Variants in SGCZ observed in about 807,000 individuals in gnomAD.
The protein encoded by SGCZ is sarcoglycan zeta.
A neutral mutation model predicts 41.3 loss-of-function variants in SGCZ; 40 were observed. The observed-to-expected ratio is 0.97, with a 90% CI of 0.75 to 1.26. The LOEUF (loss-of-function observed/expected upper bound fraction) is 1.26, where lower values mean the gene tolerates loss of function less well. SGCZ is among the 50% of genes most tolerant of loss of function. The pLI, the probability that SGCZ is intolerant of heterozygous loss-of-function variation, is 0.00. For synonymous variants in SGCZ, 206 were observed against 137.5 expected (o/e 1.50, Z -3.49); for missense variants, 552 against 369.8 (o/e 1.49, Z -4.04).
At chr8:15,064,938 C>T (rs571457586) in intron 1 of SGCZ, among the ~76,000 whole-genome samples, 41 of 152,262 alleles carry the variant, frequency 2.7e-4, no homozygotes, top group African/African-American at 9.9e-4. Flanking sequence ...ACATCAGTTG[C>T]GGTTTACACC....
chr8:14,142,543 GT>G (rs1301076773), intron 5 of SGCZ, among the ~76,000 whole-genome samples: 6 of 152,098 alleles, frequency 3.9e-5, no homozygotes, highest in Non-Finnish European at 1.5e-5. Context: ...TTTCTGCTCA[GT>G]TTGAAGCAAC....
intron 2 of SGCZ, among the ~76,000 whole-genome samples, chr8:14,545,558 C>A (rs140601969): frequency 2.0e-5 from 3 of 151,874 alleles, no homozygotes; most frequent in African/African-American, 4.8e-5. Context: ...CTATTACTTG[C>A]AAAAATAAGT....
At chr8:14,834,354 A>C (rs928515033) in intron 1 of SGCZ, among the ~76,000 whole-genome samples, 7 of 152,192 alleles carry the variant, frequency 4.6e-5, no homozygotes, top group African/African-American at 1.7e-4. Flanking sequence ...GGTAATTCAT[A>C]ATGTGTCACT....
At chr8:14,602,346 C>A (rs1267263836) in intron 1 of SGCZ, among the ~76,000 whole-genome samples, 1 of 151,656 alleles carries the variant, frequency 6.6e-6, no homozygotes, top group Non-Finnish European at 1.5e-5. Flanking sequence ...CACATGTCAC[C>A]CAGGCATGGT....
intron 1 of SGCZ, among the ~76,000 whole-genome samples, chr8:14,833,923 T>G (rs145194113): frequency 4.2e-4 from 64 of 152,244 alleles, no homozygotes; most frequent in African/African-American, 1.5e-3. Context: ...GGGGAGAAGG[T>G]GAGGAAAATA....
intron 3 of SGCZ, among the ~76,000 whole-genome samples, chr8:14,250,758 G>A (rs1294678164): frequency 6.6e-6 from 1 of 152,118 alleles, no homozygotes; most frequent in African/African-American, 2.4e-5. Flanking sequence ...TCCTCTGTAG[G>A]GACTTACATG....
chr8:14,280,118 T>G (rs1178498162), intron 3 of SGCZ, among the ~76,000 whole-genome samples: 1 of 151,978 alleles, frequency 6.6e-6, no homozygotes, highest in East Asian at 1.9e-4. Flanking sequence ...TGAAATATAC[T>G]TTTACAGTAT....
intron 3 of SGCZ, among the ~76,000 whole-genome samples, chr8:14,251,246 T>C (rs1236381813): frequency 6.6e-6 from 1 of 151,886 alleles, no homozygotes; most frequent in Non-Finnish European, 1.5e-5. Flanking sequence ...TGAAAACAAA[T>C]ACAAACAAAA....
intron 1 of SGCZ, among the ~76,000 whole-genome samples, chr8:14,640,921 T>A (rs907995263): frequency 6.6e-6 from 1 of 151,714 alleles, no homozygotes; most frequent in Admixed American, 6.6e-5. Context: ...GAAATGTGGT[T>A]ATGAATAACT....
intron 1 of SGCZ, among the ~76,000 whole-genome samples, chr8:15,063,273 C>T (rs1382872538): frequency 1.3e-5 from 2 of 152,012 alleles, no homozygotes; most frequent in African/African-American, 4.8e-5. Flanking sequence ...TGAACATAAG[C>T]ACATTTAATA....
intron 1 of SGCZ, among the ~76,000 whole-genome samples, chr8:14,930,564 T>C (rs1473314308): frequency 1.3e-5 from 2 of 151,952 alleles, no homozygotes; most frequent in African/African-American, 2.4e-5. Flanking sequence ...CTGTTCACAA[T>C]AGCAAAGACT....
At chr8:14,697,225 G>A (rs775494820) in intron 1 of SGCZ, among the ~76,000 whole-genome samples, 38 of 152,016 alleles carry the variant, frequency 2.5e-4, no homozygotes, top group Non-Finnish European at 4.1e-4. Context: ...AAGTGGCCTA[G>A]AGTCACAATG....
chr8:14,166,904 T>C (rs1191613943), intron 4 of SGCZ, among the ~76,000 whole-genome samples: 1 of 152,100 alleles, frequency 6.6e-6, no homozygotes. Flanking sequence ...ATAGATGAGA[T>C]GCATCTAAGC....
chr8:14,529,472 G>C (rs940620714), intron 2 of SGCZ, among the ~76,000 whole-genome samples: 1 of 152,096 alleles, frequency 6.6e-6, no homozygotes, highest in Non-Finnish European at 1.5e-5. Context: ...AGCTTTCTTT[G>C]CAACAAGCAC....
chr8:14,128,247 G>A lies in SGCZ; in HGVS notation c.548-20012C>T, dbSNP rs1194251308. 2.0e-5 allele frequency among the ~76,000 whole-genome samples: 3 copies of A among 152,110 alleles called. No individual in the cohort carries two copies. The East Asian group carries it at 5.8e-4, about 29-fold the overall frequency. ...TTTTTCAAAGGCAGAGACATAAATG[G>A]CCAACAAGCCATTTGAAAACCATTT... On this transcript the variant is annotated intron_variant, in intron 5 of 7. Transcript: ENST00000382080.
intron 1 of SGCZ, among the ~76,000 whole-genome samples, chr8:14,586,611 AATGCAAAGTG>A (rs1395884396): frequency 2.6e-5 from 4 of 152,222 alleles, no homozygotes; most frequent in African/African-American, 9.6e-5. Context: ...AGTCATCATA[AATGCAAAGTG>A]ATGCAAAGTT....
intron 1 of SGCZ, among the ~76,000 whole-genome samples, chr8:15,173,932 T>G (rs1209460795): frequency 1.3e-5 from 2 of 152,092 alleles, no homozygotes; most frequent in African/African-American, 4.8e-5. Flanking sequence ...CTCACTACAT[T>G]ACTGGTCGCA....
At position 14,166,467 on chromosome 8, in the gene SGCZ, T is replaced by TAATA. The variant is rs1312039982; in HGVS notation, c.425-1769_425-1766dup. On this transcript the variant is annotated intron_variant, in intron 4 of 7. Transcript: ENST00000382080. Reference sequence around the variant, plus strand: ...AAAACTGTGCCAGAGGCCAATGTGTTAATACATGTGACTTACTCTGAGGGA... The same window carrying TAATA: ...AAAACTGTGCCAGAGGCCAATGTGTTAATAAATACATGTGACTTACTCTGAGGGA... 8.5e-5 allele frequency among the ~76,000 whole-genome samples: 13 copies of TAATA among 152,284 alleles called. No homozygotes were observed. The East Asian group carries it at 2.3e-3, about 27-fold the overall frequency.
chr8:14,801,503 A>T (rs185247927), intron 1 of SGCZ, among the ~76,000 whole-genome samples: 1 of 152,332 alleles, frequency 6.6e-6, no homozygotes, highest in African/African-American at 2.4e-5. Context: ...CCTAAATATA[A>T]GAAAGTACAG....
Sources: gnomAD v4.1 joint callset for allele counts (sites outside exome capture counted in the v4.1 genomes callset) on GRCh38, gnomAD v4.1.1 for gene constraint, MANE v1.5 for transcripts, NCBI Gene and HGNC (gene_info 2026-07-23, HGNC 2026-07-21) for gene names.